Variants in SERPINF2 observed in about 807,000 individuals in gnomAD.
SERPINF2 encodes the protein alpha-2-antiplasmin.
A neutral mutation model predicts 45.0 loss-of-function variants in SERPINF2; 15 were observed. That is an observed-to-expected ratio of 0.33 (90% confidence interval 0.22 to 0.51). The LOEUF (loss-of-function observed/expected upper bound fraction) is 0.51. SERPINF2 is among the 20% of genes least tolerant of loss of function. The probability of loss-of-function intolerance (pLI) is 0.97; values close to 1 mark genes in which losing one functional copy is unlikely to be tolerated. For synonymous variants in SERPINF2, 283 were observed against 277.9 expected, an observed-to-expected ratio of 1.02 and a Z score of -0.18; for missense variants, 518 against 637.4, an observed-to-expected ratio of 0.81 and a Z score of 2.02.
chr17:1,746,033 T>C, intron 5 of SERPINF2, 124 bp downstream of exon 5: 1 of 1,093,070 alleles, frequency 9.1e-7, no homozygotes, highest in Non-Finnish European at 1.4e-6. Context: ...AAAATGCAGA[T>C]TCCTAGGCCG....
In SERPINF2 at chr17:1,748,389, C is replaced by T. The variant is rs118014048; in HGVS notation, c.716-209C>T. Among the ~76,000 whole-genome samples, 945 of 152,132 alleles carry T rather than the reference C, an allele frequency of 6.2e-3. 36 individuals carry two copies. The East Asian group carries it at 0.1, about 17-fold the overall frequency. On this transcript the variant is annotated intron_variant, in intron 7 of 9. Transcript: ENST00000453066. ...ACAAGCCCAGATTTCAAAAATGCTA[C>T]GGGAAAGAGACCTTAGATCAATTGG...
At chr17:1,742,929 C>T (rs1055259133) in intron 1 of SERPINF2, 21 bp downstream of exon 1, 37 of 985,266 alleles carry the variant, frequency 3.8e-5, no homozygotes, top group Non-Finnish European at 3.7e-5. Flanking sequence ...AGGGGCTGCT[C>T]GGCCTGCTCC....
In SERPINF2 at chr17:1,753,842, A is replaced by G. The variant is rs1334528212; in HGVS notation, c.1064-280A>G. On this transcript the variant is annotated intron_variant, in intron 9 of 9. Coordinates refer to ENST00000453066, the MANE Select transcript of SERPINF2 (RefSeq NM_000934.4). ...GGGGTGGGCAGACGAGCAATCACAT[A>G]CTTACTACAGCATAAGCGATAAGAC... 5.3e-5 allele frequency among the ~76,000 whole-genome samples: 8 copies of G among 152,298 alleles called. 1 individual carries two copies. In the East Asian group the frequency reaches 1.5e-3, roughly 29 times the overall value.
At chr17:1,742,938 C>G in intron 1 of SERPINF2, 30 bp downstream of exon 1, 2 of 985,358 alleles carry the variant, frequency 2.0e-6, no homozygotes, top group South Asian at 9.4e-5. Flanking sequence ...TCGGCCTGCT[C>G]CTTGGGTAGG....
Position 1,745,089 on chromosome 17 carries a change from G to A in SERPINF2, c.63+31G>A, listed in dbSNP as rs1300407069. On this transcript the variant is annotated intron_variant, in intron 2 of 9. Coordinates refer to ENST00000453066, the MANE Select transcript of SERPINF2 (RefSeq NM_000934.4). This position sits in a 1 kb window ranked among gnomAD's most constrained non-coding sequence, Gnocchi z 6.2. ...GCTGGGCTGAAGTCAAGGTGGGGTG[G>A]GGTGGAGGGGGAAGAAGAGGGGCGT... The A allele has an allele frequency of 6.2e-7, 1 of 1,610,876 alleles. No homozygotes were observed. The highest frequency in any genetic ancestry group is 8.5e-7 in the Non-Finnish European group (1 of 1,179,588).
At chr17:1,750,499 G>A (rs906398210) in intron 8 of SERPINF2, among the ~76,000 whole-genome samples, 5 of 151,798 alleles carry the variant, frequency 3.3e-5, no homozygotes, top group African/African-American at 1.2e-4. Context: ...TGTTGGCCAG[G>A]CTGATCTCAA....
At chr17:1,752,394 G>A (rs1396673093) in intron 8 of SERPINF2, among the ~76,000 whole-genome samples, 192 bp from the exon 9 acceptor site, 1 of 152,088 alleles carries the variant, frequency 6.6e-6, no homozygotes, top group Non-Finnish European at 1.5e-5. Context: ...ATTCGGTTAC[G>A]TGTCCGCCTG....
At chr17:1,747,860 G>A (rs1032588676) in intron 7 of SERPINF2, among the ~76,000 whole-genome samples, 2 of 149,186 alleles carry the variant, frequency 1.3e-5, no homozygotes, top group African/African-American at 2.5e-5. Context: ...CACCGCGCCC[G>A]GCCATGCAGG....
In SERPINF2 at chr17:1,745,913, C is replaced by T. The variant is rs1250068107; in HGVS notation, c.367+4C>T. The T allele has an allele frequency of 1.2e-5, 19 of 1,613,222 alleles. No individual in the cohort carries two copies. Among genetic ancestry groups the T allele is most frequent in the Non-Finnish European group, 1.6e-5 (19 of 1,179,836 alleles). ...GCGCTGTCTCACCTGGCACTAGGTA[C>T]CCTGGCACCACTTGTCCAGACCAAG... On this transcript the variant is annotated splice_donor_region_variant and intron_variant, in intron 5 of 9. Transcript: ENST00000453066. The surrounding 1 kb of genome is among the most constrained non-coding windows in gnomAD (Gnocchi z 6.2).
At chr17:1,748,527 C>A in intron 7 of SERPINF2, 71 bp from the exon 8 acceptor site, 1 of 1,588,422 alleles carries the variant, frequency 6.3e-7, no homozygotes, top group Admixed American at 1.7e-5. Context: ...TGGTCCCCAT[C>A]GACGTGACCC....
chr17:1,744,989 C>T lies in SERPINF2; in HGVS notation c.-4-3C>T, dbSNP rs1171626091. The T allele has an allele frequency of 2.5e-6, 4 of 1,613,762 alleles. No individual in the cohort carries two copies. In the African/African-American group the frequency reaches 5.3e-5, roughly 22 times the overall value. On this transcript the variant is annotated splice_polypyrimidine_tract_variant and splice_region_variant and intron_variant, in intron 1 of 9. Coordinates refer to ENST00000453066, the MANE Select transcript of SERPINF2 (RefSeq NM_000934.4). ...GGAACAGAGCTTTCTGTCCCTGCCA[C>T]AGGAACATGGCGCTGCTCTGGGGGC...
At position 1,745,663 on chromosome 17, in the gene SERPINF2, G is replaced by A. The variant is rs764499652; in HGVS notation, c.166-45G>A. The A allele has an allele frequency of 1.9e-6, 3 of 1,582,706 alleles. No homozygotes were observed. Among genetic ancestry groups the A allele is most frequent in the Non-Finnish European group, 2.6e-6 (3 of 1,155,836 alleles). Reference sequence around the variant, plus strand: ...TGACAAGGCCTTCAACACAGAACCTGGAGCTGACCCCTTGACCTCCCTGAC... The same window carrying A: ...TGACAAGGCCTTCAACACAGAACCTAGAGCTGACCCCTTGACCTCCCTGAC... On this transcript the variant is annotated intron_variant, in intron 4 of 9. Coordinates refer to ENST00000453066, the MANE Select transcript of SERPINF2 (RefSeq NM_000934.4). The surrounding 1 kb of genome is among the most constrained non-coding windows in gnomAD (Gnocchi z 6.2).
In SERPINF2 at chr17:1,745,904, C is replaced by A; in HGVS notation, c.362C>A (p.Ala121Glu). The A allele has an allele frequency of 6.2e-7, 1 of 1,613,874 alleles. No homozygotes were observed. Among genetic ancestry groups the A allele is most frequent in the Admixed American group, 1.7e-5 (1 of 60,002 alleles). Reference sequence around the variant, plus strand: ...GTGGCCCTGGCGCTGTCTCACCTGGCACTAGGTACCCTGGCACCACTTGTC... The same window carrying A: ...GTGGCCCTGGCGCTGTCTCACCTGGAACTAGGTACCCTGGCACCACTTGTC... Reference protein sequence around the residue: ...LSVALALSHLALGAQNHTLQR... With the variant: ...LSVALALSHLELGAQNHTLQR... The change falls in exon 5 of 10, where the codon GCA (alanine) becomes GAA (glutamate). Residue 121 changes from alanine to glutamate, a missense_variant. By Grantham distance (107) the Ala-to-Glu change is moderately radical (BLOSUM62 -1). Around this residue, in one of 2 missense-constraint regions of SERPINF2, gnomAD observed 435 missense variants for 577.3 expected, o/e 0.75. Transcript: ENST00000453066. The surrounding 1 kb of genome is among the most constrained non-coding windows in gnomAD (Gnocchi z 6.2).
Position 1,754,856 on chromosome 17 carries a change from A to T in SERPINF2, c.*322A>T, listed in dbSNP as rs1567746109. The T allele has an allele frequency of 4.0e-5, 17 of 425,730 alleles. No individual in the cohort carries two copies. The highest frequency in any genetic ancestry group is 8.1e-5 in the Admixed American group (2 of 24,636). 26.4% of individuals were successfully genotyped at this position (425,730 alleles called of 1,614,324 possible). On this transcript the variant is annotated 3_prime_UTR_variant, in exon 10 of 10. Coordinates refer to ENST00000453066, the MANE Select transcript of SERPINF2 (RefSeq NM_000934.4). ...AGCTGCTCCCCACGTCAGCTGGGAC[A>T]CCCCGACTTTTGTTTACCAGAGAAA... is the stretch of plus-strand genomic sequence containing the variant.
In SERPINF2 at chr17:1,750,456, AT is replaced by A. The variant is rs1241712336; in HGVS notation, c.858+1728del. 1.6e-3 allele frequency among the ~76,000 whole-genome samples: 232 copies of A among 141,144 alleles called. 1 individual carries two copies. Among genetic ancestry groups the A allele is most frequent in the East Asian group, 8.3e-3 (40 of 4,846 alleles). 92.6% of individuals were successfully genotyped at this position (141,144 alleles called of 152,430 possible). ...GCCACCGTGCCCGGCCAATTTTTGT[AT>A]TTTTTTTTTTTAGTAGAGACAGGTT... is the stretch of plus-strand genomic sequence containing the variant. On this transcript the variant is annotated intron_variant, in intron 8 of 9. Coordinates refer to ENST00000453066, the MANE Select transcript of SERPINF2 (RefSeq NM_000934.4).
intron 8 of SERPINF2, among the ~76,000 whole-genome samples, 167 bp downstream of exon 8, chr17:1,748,907 T>G (rs1436319441): frequency 6.6e-6 from 1 of 152,210 alleles, no homozygotes; most frequent in Non-Finnish European, 1.5e-5. Context: ...CCATCCTACC[T>G]GGCAGGAGGA....
rs577913704 is a variant in SERPINF2 at position 1,744,804 on chromosome 17, C to T, written c.-4-188C>T. The T allele has an allele frequency of 7.8e-4, 768 of 985,408 alleles. 1 individual carries two copies. The highest frequency in any genetic ancestry group is 7.4e-4 in the Non-Finnish European group (611 of 829,928). 61.0% of individuals were successfully genotyped at this position (985,408 alleles called of 1,614,324 possible). A position where few individuals can be genotyped will look rare whatever the true frequency, so the allele number is the denominator to read the frequency against. On this transcript the variant is annotated intron_variant, in intron 1 of 9. Coordinates refer to ENST00000453066, the MANE Select transcript of SERPINF2 (RefSeq NM_000934.4). ...AACTAAAAAGGGGGAGAAGCCAGGG[C>T]GGATGTCCCAGCTGCAGGAGTGGGA...
chr17:1,743,629 C>T (rs919660215), intron 1 of SERPINF2, among the ~76,000 whole-genome samples: 18 of 148,280 alleles, frequency 1.2e-4, no homozygotes, highest in Admixed American at 2.0e-4. Context: ...GCAGGAGAAT[C>T]GCTTTAACCC....
intron 5 of SERPINF2, 151 bp from the exon 6 acceptor site, chr17:1,746,868 T>G: frequency 2.8e-6 from 3 of 1,073,132 alleles, no homozygotes; most frequent in Non-Finnish European, 3.9e-6. Context: ...GCCACAGGGG[T>G]GAGAGCCACG....
Sources: allele counts gnomAD v4.1 joint callset (sites outside exome capture counted in the v4.1 genomes callset), GRCh38; gene constraint gnomAD v4.1.1; regional missense constraint gnomAD v4.1.1; non-coding constraint Gnocchi (gnomAD v3.1); transcripts MANE v1.5; gene names NCBI Gene and HGNC (gene_info 2026-07-23, HGNC 2026-07-21).